The following MTSS1 variants were observed in gnomAD, a reference collection of about 807,000 sequenced individuals.
MTSS1 encodes the protein protein MTSS 1.
Under a neutral mutation model 79.0 loss-of-function variants are expected in MTSS1, and 18 were observed. That is an observed-to-expected ratio of 0.23 (90% CI 0.16 to 0.34). The LOEUF is 0.34. Ranked by LOEUF, MTSS1 falls within the 10% of genes least tolerant of loss-of-function variation. The pLI is 1.00. For missense variants in MTSS1, 815 were observed against 986.2 expected (o/e 0.83, Z 2.33); for synonymous variants, 341 against 368.6 (o/e 0.93, Z 0.86).
At chr8:124,675,442 G>T (rs1825106667) in intron 3 of MTSS1, among the ~76,000 whole-genome samples, 1 of 152,210 alleles carries the variant, frequency 6.6e-6, no homozygotes. Context: ...GTGATGAATA[G>T]GGTGTACCAT....
At chr8:124,563,034 A>G in intron 9 of MTSS1, 42 bp from the exon 10 acceptor site, 1 of 1,533,522 alleles carries the variant, frequency 6.5e-7, no homozygotes, top group Non-Finnish European at 8.9e-7. Flanking sequence ...CACGGAAGGT[A>G]AAGAAAGGGG....
At chr8:124,629,917 G>GCTA (rs937880141) in intron 3 of MTSS1, among the ~76,000 whole-genome samples, 59 of 152,296 alleles carry the variant, frequency 3.9e-4, no homozygotes, top group African/African-American at 1.4e-3. Context: ...CTTAAATGGA[G>GCTA]CTACTGCCCA....
chr8:124,634,755 G>A (rs1186837559), intron 3 of MTSS1, among the ~76,000 whole-genome samples: 1 of 151,918 alleles, frequency 6.6e-6, no homozygotes, highest in Non-Finnish European at 1.5e-5. Flanking sequence ...GGTATTCAAA[G>A]TGTGCTCCCT....
At chr8:124,637,573 G>T (rs182826148) in intron 3 of MTSS1, among the ~76,000 whole-genome samples, 1 of 152,202 alleles carries the variant, frequency 6.6e-6, no homozygotes, top group African/African-American at 2.4e-5. Flanking sequence ...GAGGGAGGGG[G>T]TTAGATCACT....
chr8:124,631,429 C>A (rs758240956), intron 3 of MTSS1, among the ~76,000 whole-genome samples: 2 of 152,222 alleles, frequency 1.3e-5, no homozygotes, highest in Non-Finnish European at 2.9e-5. Context: ...ACGACAGTCC[C>A]GACACTGCTG....
At chr8:124,594,001 A>G (rs1832322519) in intron 3 of MTSS1, among the ~76,000 whole-genome samples, 1 of 151,944 alleles carries the variant, frequency 6.6e-6, no homozygotes. Context: ...ACCAACAGGG[A>G]TTGCGCTCCA....
intron 3 of MTSS1, among the ~76,000 whole-genome samples, chr8:124,662,940 G>C (rs985772002): frequency 6.6e-6 from 1 of 152,134 alleles, no homozygotes; most frequent in Non-Finnish European, 1.5e-5. Flanking sequence ...GGACCGAGAC[G>C]TGACCACGAG....
In MTSS1 at chr8:124,553,237, G is replaced by T. The variant is rs918254039; in HGVS notation, c.2023C>A (p.Leu675Ile). Residue 675 changes from leucine to isoleucine, a missense_variant, in exon 14 of 14, where the codon CTT becomes ATT. Physicochemically the swap from Leu to Ile is conservative, Grantham distance 5 (BLOSUM62 2). This residue lies in a region of MTSS1 where 590 missense variants were observed against 620.8 expected (regional missense o/e 0.95). Transcript: ENST00000518547. The surrounding 1 kb of genome is among the most constrained non-coding windows in gnomAD (Gnocchi z 6.0). The part of the protein sequence containing the change: ...WSGQASVNPP[L>I]PGPKPSIPEE... ...GGGATACTGGGCTTCGGGCCTGGAAGTGGAGGGTTAACGGAAGCTTGGCCG... is the reference window on the plus strand; with the variant it reads ...GGGATACTGGGCTTCGGGCCTGGAATTGGAGGGTTAACGGAAGCTTGGCCG... 3 of 1,614,096 alleles carry T rather than the reference G, an allele frequency of 1.9e-6. No homozygotes were observed. Among genetic ancestry groups the T allele is most frequent in the African/African-American group, 1.3e-5 (1 of 74,920 alleles).
chr8:124,725,823 A>G (rs1274153050), intron 1 of MTSS1, among the ~76,000 whole-genome samples: 1 of 152,230 alleles, frequency 6.6e-6, no homozygotes, highest in East Asian at 1.9e-4. Context: ...CCAAGAAAAT[A>G]TTCAAGAATT....
Position 124,629,904 on chromosome 8 carries a change from G to A in MTSS1, c.209-38669C>T, listed in dbSNP as rs910273545. On this transcript the variant is annotated intron_variant, in intron 3 of 13. Coordinates refer to ENST00000518547, the MANE Select transcript of MTSS1 (RefSeq NM_014751.6). ...TAAAAACATATCACACACACCGTGC[G>A]TTCTTAAATGGAGCTACTGCCCAGT... Among the ~76,000 whole-genome samples the A allele has an allele frequency of 3.3e-5, 5 of 152,174 alleles. No homozygotes were observed. The East Asian group carries it at 5.8e-4, about 18-fold the overall frequency.
intron 6 of MTSS1, among the ~76,000 whole-genome samples, chr8:124,576,997 A>G (rs1344720865): frequency 1.3e-5 from 2 of 152,208 alleles, no homozygotes; most frequent in African/African-American, 4.8e-5. Flanking sequence ...CTGCACCTTA[A>G]CAGTCCTATT....
In MTSS1 at chr8:124,678,205, G is replaced by A. The variant is rs551854719; in HGVS notation, c.208+21321C>T. Among the ~76,000 whole-genome samples, 138 of 152,242 alleles carry A rather than the reference G, an allele frequency of 9.1e-4. 1 individual carries two copies. The highest frequency in any genetic ancestry group is 3.3e-3 in the African/African-American group (136 of 41,538). On this transcript the variant is annotated intron_variant, in intron 3 of 13. Transcript: ENST00000518547. ...GGATAGTATACATATTTATGGCAAG[G>A]AAGCTGGCATAGTATCACAGGAATA... is the stretch of plus-strand genomic sequence containing the variant.
intron 13 of MTSS1, among the ~76,000 whole-genome samples, chr8:124,554,106 T>A (rs1823067031): frequency 6.6e-6 from 1 of 152,194 alleles, no homozygotes; most frequent in Non-Finnish European, 1.5e-5. Flanking sequence ...TCCCTGATAA[T>A]TAACTGGAGA....
chr8:124,638,495 G>C (rs1192285997), intron 3 of MTSS1, among the ~76,000 whole-genome samples: 2 of 152,206 alleles, frequency 1.3e-5, no homozygotes, highest in Non-Finnish European at 2.9e-5. Flanking sequence ...ATCACACACA[G>C]ACATTCCATT....
chr8:124,596,240 A>G (rs1476813824), intron 3 of MTSS1, among the ~76,000 whole-genome samples: 1 of 152,236 alleles, frequency 6.6e-6, no homozygotes, highest in Non-Finnish European at 1.5e-5. Context: ...AGGAGAAGAA[A>G]GAAAGGAGCA....
intron 3 of MTSS1, among the ~76,000 whole-genome samples, chr8:124,648,741 C>T (rs1819437707): frequency 1.3e-5 from 2 of 149,546 alleles, no homozygotes; most frequent in Admixed American, 1.3e-4. Context: ...GACGGTGTTC[C>T]AAGGAAAGGT....
chr8:124,562,662 G>T, intron 10 of MTSS1, 120 bp downstream of exon 10: 1 of 957,846 alleles, frequency 1.0e-6, no homozygotes, highest in Non-Finnish European at 1.6e-6. Flanking sequence ...TTAAACCAGA[G>T]GTTTCTCAAG....
chr8:124,670,533 A>C (rs1354216548), intron 3 of MTSS1, among the ~76,000 whole-genome samples: 1 of 152,226 alleles, frequency 6.6e-6, no homozygotes, highest in Non-Finnish European at 1.5e-5. Flanking sequence ...AAATTTAAAT[A>C]CAAATGTATG....
chr8:124,561,597 G>A (rs1014436495), intron 10 of MTSS1, among the ~76,000 whole-genome samples: 1 of 151,210 alleles, frequency 6.6e-6, no homozygotes, highest in Non-Finnish European at 1.5e-5. Flanking sequence ...GCTGCAGCAC[G>A]TGGCTTCTCC....
Sources: allele counts gnomAD v4.1 joint callset (sites outside exome capture counted in the v4.1 genomes callset), GRCh38; gene constraint gnomAD v4.1.1; regional missense constraint gnomAD v4.1.1; non-coding constraint Gnocchi (gnomAD v3.1); transcripts MANE v1.5; gene names NCBI Gene and HGNC (gene_info 2026-07-23, HGNC 2026-07-21).